Variants in DOCK1 observed in about 807,000 individuals in gnomAD.
DOCK1 encodes the protein dedicator of cytokinesis protein 1.
A neutral mutation model predicts 262.7 loss-of-function variants in DOCK1; 138 were observed. That is an observed-to-expected ratio of 0.53 (90% confidence interval 0.46 to 0.61). The LOEUF (loss-of-function observed/expected upper bound fraction) is 0.61. DOCK1 is among the 20% of genes least tolerant of loss of function. The probability of loss-of-function intolerance (pLI) is 0.00; values close to 1 mark genes in which losing one functional copy is unlikely to be tolerated. For missense variants in DOCK1, 1,908 were observed against 2,370.7 expected (o/e 0.80, Z 4.05); for synonymous variants, 866 against 867.4 (o/e 1.00, Z 0.03).
At chr10:127,126,453 C>T (rs1402708634) in intron 26 of DOCK1, among the ~76,000 whole-genome samples, 1 of 152,064 alleles carries the variant, frequency 6.6e-6, no homozygotes, top group Non-Finnish European at 1.5e-5. Flanking sequence ...GGTGCCAGCC[C>T]AGCGAAGTAG....
chr10:127,316,156 T>G (rs909143183), intron 29 of DOCK1, among the ~76,000 whole-genome samples: 1 of 152,110 alleles, frequency 6.6e-6, no homozygotes, highest in Non-Finnish European at 1.5e-5. Context: ...TCAGTTTTTA[T>G]TTTTTGTGGT....
rs527767093 is a variant in DOCK1 at position 127,140,847 on chromosome 10, G to A, written c.2847+13083G>A. ...GTAGTGGACTTGGAGAAAAGCTGCC[G>A]GTAGATGTTCCAGGGCACTGGGACT... is the stretch of plus-strand genomic sequence containing the variant. On this transcript the variant is annotated intron_variant, in intron 27 of 51. Transcript: ENST00000623213. 9.2e-5 allele frequency among the ~76,000 whole-genome samples: 14 copies of A among 152,318 alleles called. 1 individual carries two copies. The South Asian group carries it at 2.7e-3, about 29-fold the overall frequency.
intron 46 of DOCK1, among the ~76,000 whole-genome samples, chr10:127,422,832 A>G (rs2068595878): frequency 6.6e-6 from 1 of 152,248 alleles, no homozygotes; most frequent in African/African-American, 2.4e-5. Context: ...TACAAAAACT[A>G]GTTTGGTCTG....
chr10:127,000,525 TA>T, intron 10 of DOCK1: 3 of 626,154 alleles, frequency 4.8e-6, no homozygotes, highest in Non-Finnish European at 7.6e-6. Flanking sequence ...ATAAATCATA[TA>T]TTTGGTTTTA....
chr10:127,038,465 G>A (rs564746479), intron 19 of DOCK1, among the ~76,000 whole-genome samples: 6 of 152,248 alleles, frequency 3.9e-5, no homozygotes, highest in Non-Finnish European at 8.8e-5. Context: ...GGTAACAGTA[G>A]TGCCTTCTGC....
intron 39 of DOCK1, among the ~76,000 whole-genome samples, chr10:127,403,706 C>T (rs1388442792): frequency 6.6e-6 from 1 of 152,196 alleles, no homozygotes; most frequent in Non-Finnish European, 1.5e-5. Context: ...TTGCAGTGAG[C>T]TGAGATCGCG....
chr10:127,062,707 G>A (rs9418731), intron 23 of DOCK1, among the ~76,000 whole-genome samples: 26,946 of 152,238 alleles, frequency 0.18, 2,527 homozygotes, highest in South Asian at 0.32. Flanking sequence ...TCTCTTTGCT[G>A]TTTGGCAAGA....
chr10:127,406,795 G>T (rs893558672), intron 40 of DOCK1, among the ~76,000 whole-genome samples: 7 of 152,062 alleles, frequency 4.6e-5, no homozygotes, highest in Non-Finnish European at 7.3e-5. Flanking sequence ...AATGTTATTC[G>T]TGTTTTTACC....
rs547203934 is a variant in DOCK1 at position 127,021,445 on chromosome 10, G to A, written c.1328-1755G>A. On this transcript the variant is annotated intron_variant, in intron 13 of 51. Transcript: ENST00000623213. ...CTCGCAAAGCGCTGGGATTACAGGC[G>A]TGAGCCACTGCACCCGGCCTTGAAG... Among the ~76,000 whole-genome samples, 559 of 152,298 alleles carry A rather than the reference G, an allele frequency of 3.7e-3. 4 individuals carry two copies. The highest frequency in any genetic ancestry group is 0.024 in the Middle Eastern group (7 of 294).
At chr10:127,014,436 G>T (rs1189239282) in intron 12 of DOCK1, among the ~76,000 whole-genome samples, 2 of 151,748 alleles carry the variant, frequency 1.3e-5, no homozygotes, top group African/African-American at 4.9e-5. Context: ...TAAATTTAAT[G>T]TGTCACTAGT....
At chr10:127,003,082 ATGAACCTGTG>A (rs142634269) in intron 10 of DOCK1, among the ~76,000 whole-genome samples, 6,612 of 150,256 alleles carry the variant, frequency 0.044, 192 homozygotes, top group Middle Eastern at 0.069. Context: ...GTGAACCTTT[ATGAACCTGTG>A]TGAACCTGTG....
At chr10:127,163,238 G>A (rs546631162) in intron 27 of DOCK1, among the ~76,000 whole-genome samples, 1 of 152,260 alleles carries the variant, frequency 6.6e-6, no homozygotes, top group East Asian at 1.9e-4. Flanking sequence ...TCTGCAGATC[G>A]GGGCTTGAGG....
At chr10:126,920,339 G>A (rs1014063597) in intron 1 of DOCK1, among the ~76,000 whole-genome samples, 6 of 152,188 alleles carry the variant, frequency 3.9e-5, no homozygotes, top group African/African-American at 9.7e-5. Context: ...TTGTTGATAC[G>A]TTTGTCTGCA....
rs75353423 is a variant in DOCK1, at chr10:127,194,104, A to G, written c.2848-53904A>G. ...TCTTGTCTTTAAGGAAAAGTCTTTC[A>G]TTTAGCTAAAGAAATTAAACTGAAT... On this transcript the variant is annotated intron_variant, in intron 27 of 51. Transcript: ENST00000623213. 4.4e-3 allele frequency among the ~76,000 whole-genome samples: 670 copies of G among 152,376 alleles called. 1 individual carries two copies. The highest frequency in any genetic ancestry group is 0.016 in the African/African-American group (645 of 41,598).
At chr10:127,114,733 T>C (rs1042906375) in intron 25 of DOCK1, among the ~76,000 whole-genome samples, 3 of 150,874 alleles carry the variant, frequency 2.0e-5, no homozygotes, top group African/African-American at 4.9e-5. Flanking sequence ...CCACAAATTA[T>C]CAACTCATGA....
chr10:127,322,759 A>G (rs1455800285), intron 29 of DOCK1, among the ~76,000 whole-genome samples: 1 of 152,260 alleles, frequency 6.6e-6, no homozygotes, highest in East Asian at 1.9e-4. Flanking sequence ...TTGCGCTGTT[A>G]TAATAGCAGA....
rs1185667654 is a variant in DOCK1, at chr10:127,026,047, G to A, written c.1552-305G>A. On this transcript the variant is annotated intron_variant, in intron 15 of 51. Transcript: ENST00000623213. ...CCACTCTAGCCTGGGCAACAAGAGC[G>A]AAACTCTGTATCAAAAAAAAAAAAA... The A allele has an allele frequency of 6.5e-5, 15 of 231,410 alleles. No individual in the cohort carries two copies. In the Admixed American group the frequency reaches 1.0e-3, roughly 16 times the overall value. The allele number at this position is 231,410 out of a possible 1,614,324, so 14.3% of individuals were successfully genotyped here.
chr10:127,076,324 A>AC (rs1476375281), intron 23 of DOCK1, among the ~76,000 whole-genome samples: 1 of 152,156 alleles, frequency 6.6e-6, no homozygotes, highest in African/African-American at 2.4e-5. Flanking sequence ...ACACGGTGAA[A>AC]CCCCGTCTCT....
intron 33 of DOCK1, among the ~76,000 whole-genome samples, chr10:127,362,435 A>G (rs186819314): frequency 6.0e-4 from 92 of 152,302 alleles, no homozygotes; most frequent in Middle Eastern, 3.4e-3. Context: ...TTTAGCTCTT[A>G]CTTACTTCTT....
Sources: allele counts gnomAD v4.1 joint callset (sites outside exome capture counted in the v4.1 genomes callset), GRCh38; gene constraint gnomAD v4.1.1; transcripts MANE v1.5; gene names NCBI Gene and HGNC (gene_info 2026-07-23, HGNC 2026-07-21).